BCAS3: variants seen among roughly 807,000 people sequenced by gnomAD.
BCAS3 encodes the protein BCAS4/BCAS3 fusion.
BCAS3 carries 53 observed loss-of-function variants against 116.1 expected under a neutral mutation model. The ratio of observed to expected loss-of-function variants is 0.46; its 90% CI spans 0.37 to 0.57. The LOEUF is 0.57. BCAS3 is among the 20% of genes least tolerant of loss of function. The pLI is 0.00. For synonymous variants in BCAS3, 391 were observed against 408.2 expected, an observed-to-expected ratio of 0.96 and a Z score of 0.51; for missense variants, 917 against 1,165.4, an observed-to-expected ratio of 0.79 and a Z score of 3.10.
rs564845094 is a variant in BCAS3, at chr17:61,362,211, C to T, written c.2426-6116C>T. On this transcript the variant is annotated intron_variant, in intron 22 of 23. Coordinates refer to ENST00000407086, the MANE Select transcript of BCAS3 (RefSeq NM_017679.5). This position sits in a 1 kb window ranked among gnomAD's most constrained non-coding sequence, Gnocchi z 4.4. ...TTTGGTGAGCAGTTTGGTAAGCTTG[C>T]CAAGGAGGCTCCCCTCTACACTGGT... 6.6e-6 allele frequency among the ~76,000 whole-genome samples: 1 copy of T among 152,224 alleles called. No individual in the cohort carries two copies. Among genetic ancestry groups the T allele is most frequent in the South Asian group, 2.1e-4 (1 of 4,834 alleles).
At chr17:60,950,220 G>A (rs2145259567) in intron 14 of BCAS3, among the ~76,000 whole-genome samples, 1 of 152,178 alleles carries the variant, frequency 6.6e-6, no homozygotes, top group East Asian at 1.9e-4. Flanking sequence ...CAGATGTCTG[G>A]AATTTGCTTT....
At chr17:60,788,415 T>A (rs2046470447) in intron 6 of BCAS3, among the ~76,000 whole-genome samples, 1 of 152,182 alleles carries the variant, frequency 6.6e-6, no homozygotes, top group Non-Finnish European at 1.5e-5. Context: ...GAGCTGATTA[T>A]CAAAGTGAAA....
At chr17:60,951,016 G>T (rs2060802524) in intron 14 of BCAS3, among the ~76,000 whole-genome samples, 1 of 152,142 alleles carries the variant, frequency 6.6e-6, no homozygotes, top group Non-Finnish European at 1.5e-5. Flanking sequence ...AATACAGTTA[G>T]AACTGACATC....
chr17:61,257,420 CAAAAAAAAAAAAAA>C (rs35124459), intron 22 of BCAS3, among the ~76,000 whole-genome samples: 1 of 57,214 alleles, frequency 1.7e-5, no homozygotes, highest in East Asian at 6.0e-4. Flanking sequence ...GACTCCATCT[CAAAAAAAAAAAAAA>C]AAAAAAAAAG....
intron 5 of BCAS3, among the ~76,000 whole-genome samples, chr17:60,737,780 T>TA (rs2041123058): frequency 6.6e-6 from 1 of 151,738 alleles, no homozygotes; most frequent in African/African-American, 2.4e-5. Context: ...TATTTTTTAT[T>TA]TTATTATTAT....
chr17:60,864,002 T>C (rs1263020282), intron 7 of BCAS3, among the ~76,000 whole-genome samples: 1 of 152,236 alleles, frequency 6.6e-6, no homozygotes, highest in Non-Finnish European at 1.5e-5. Context: ...AGTGCAGCTT[T>C]ATTCAGTAGC....
intron 15 of BCAS3, among the ~76,000 whole-genome samples, chr17:61,001,519 A>C (rs973356696): frequency 6.6e-6 from 1 of 152,154 alleles, no homozygotes; most frequent in South Asian, 2.1e-4. Flanking sequence ...ATCACTGTTT[A>C]CTTGTGGATT....
At chr17:60,931,936 A>G (rs2059666832) in intron 13 of BCAS3, among the ~76,000 whole-genome samples, 1 of 152,054 alleles carries the variant, frequency 6.6e-6, no homozygotes, top group South Asian at 2.1e-4. Context: ...AGCTGGGTGT[A>G]GTGGTGCACT....
chr17:61,173,948 A>G (rs2078999697), intron 22 of BCAS3, among the ~76,000 whole-genome samples: 1 of 152,192 alleles, frequency 6.6e-6, no homozygotes, highest in Admixed American at 6.5e-5. Flanking sequence ...ACAGAAAAAC[A>G]AACCTTAGTT....
At position 61,084,541 on chromosome 17, in the gene BCAS3, C is replaced by A; in HGVS notation, c.2402C>A (p.Ser801Tyr). The part of the protein sequence containing the change: ...SRPVSDRRGV[S>Y]TVIDAASGTF... ...CCAGTCTCTGATCGAAGGGGAGTTTCCACAGTGATTGATGCTGCCTCAGGT... is the reference window on the plus strand; with the variant it reads ...CCAGTCTCTGATCGAAGGGGAGTTTACACAGTGATTGATGCTGCCTCAGGT... Residue 801 changes from serine (S) to tyrosine (Y), a missense_variant, in exon 22 of 24, where the codon TCC becomes TAC. This residue lies in a region of BCAS3 where 807 missense variants were observed against 1,026.0 expected (regional missense o/e 0.79). Transcript: ENST00000407086. This position sits in a 1 kb window ranked among gnomAD's most constrained non-coding sequence, Gnocchi z 5.5. 1 of 1,613,982 alleles carries A rather than the reference C, an allele frequency of 6.2e-7. No homozygotes were observed. The highest frequency in any genetic ancestry group is 8.5e-7 in the Non-Finnish European group (1 of 1,179,914).
chr17:60,821,518 C>G (rs2049966533), intron 7 of BCAS3, among the ~76,000 whole-genome samples: 2 of 152,144 alleles, frequency 1.3e-5, no homozygotes, highest in African/African-American at 4.8e-5. Flanking sequence ...TTTGGCCCCT[C>G]CCAGCTCTTT....
At chr17:60,998,899 C>A (rs1400472582) in intron 15 of BCAS3, among the ~76,000 whole-genome samples, 1 of 152,094 alleles carries the variant, frequency 6.6e-6, no homozygotes, top group East Asian at 1.9e-4. Flanking sequence ...AAGCCAGTGT[C>A]CAGAAGAGTT....
At position 61,078,478 on chromosome 17, in the gene BCAS3, C is replaced by T; in HGVS notation, c.2276C>T (p.Pro759Leu). The T allele has an allele frequency of 6.2e-7, 1 of 1,614,178 alleles. No individual in the cohort carries two copies. The highest frequency in any genetic ancestry group is 8.5e-7 in the Non-Finnish European group (1 of 1,180,030). ...VLQSHGPSDT[P>L]QPLLDFDTDD... is the part of the protein sequence containing the mutation. Reference sequence around the variant, plus strand: ...CAGTCTCATGGTCCGAGTGACACGCCACAGCCTCTTTTGGATTTTGATACA... The same window carrying T: ...CAGTCTCATGGTCCGAGTGACACGCTACAGCCTCTTTTGGATTTTGATACA... The change falls in exon 21 of 24, where the codon CCA becomes CTA. Residue 759 changes from proline to leucine, a missense_variant. Pro to Leu is a moderately conservative substitution (Grantham distance 98). This residue lies in a region of BCAS3 where 807 missense variants were observed against 1,026.0 expected (regional missense o/e 0.79). Transcript: ENST00000407086.
rs879689269 is a variant in BCAS3 at position 61,279,777 on chromosome 17, G to GAA, written c.2426-88537_2426-88536dup. On this transcript the variant is annotated intron_variant, in intron 22 of 23. Transcript: ENST00000407086. The surrounding 1 kb of genome is among the most constrained non-coding windows in gnomAD (Gnocchi z 4.4). ...GCACTGGTCCCTCTGCTTGAGTGAA[G>GAA]AAAAAAAAAAAAAACTAGGCAGGTA... 1.2e-4 allele frequency among the ~76,000 whole-genome samples: 16 copies of GAA among 136,640 alleles called. No individual in the cohort carries two copies. Among genetic ancestry groups the GAA allele is most frequent in the African/African-American group, 2.4e-4 (9 of 37,250 alleles). The allele number at this position is 136,640 out of a possible 152,430, so 89.6% of individuals were successfully genotyped here. A position where few individuals can be genotyped will look rare whatever the true frequency, so the allele number is the denominator to read the frequency against.
At position 61,222,376 on chromosome 17, in the gene BCAS3, G is replaced by A. The variant is rs2082157169; in HGVS notation, c.2425+137812G>A. 6.6e-6 allele frequency among the ~76,000 whole-genome samples: 1 copy of A among 152,150 alleles called. No individual in the cohort carries two copies. The highest frequency in any genetic ancestry group is 2.1e-4 in the South Asian group (1 of 4,824). On this transcript the variant is annotated intron_variant, in intron 22 of 23. Coordinates refer to ENST00000407086, the MANE Select transcript of BCAS3 (RefSeq NM_017679.5). This position sits in a 1 kb window ranked among gnomAD's most constrained non-coding sequence, Gnocchi z 6.1. ...GTCTTGGTGTGGTCCTTCCTTTCTG[G>A]AGGCCTCAGTTTTCTCTGGAAACTG...
intron 6 of BCAS3, chr17:60,748,795 A>T (rs1284909210): frequency 6.6e-6 from 1 of 152,206 alleles, no homozygotes; most frequent in African/African-American, 2.4e-5. Context: ...TTAAAAAAAG[A>T]TTCCTTCCTT....
chr17:60,756,913 G>A (rs10853020), intron 6 of BCAS3, among the ~76,000 whole-genome samples: 1 of 151,936 alleles, frequency 6.6e-6, no homozygotes, highest in African/African-American at 2.4e-5. Context: ...TTGGCCAGGC[G>A]CGGTGGCTCA....
rs1327458899 is a variant in BCAS3, at chr17:61,145,118, C to T, written c.2425+60554C>T. On this transcript the variant is annotated intron_variant, in intron 22 of 23. Coordinates refer to ENST00000407086, the MANE Select transcript of BCAS3 (RefSeq NM_017679.5). This position sits in a 1 kb window ranked among gnomAD's most constrained non-coding sequence, Gnocchi z 5.0. Reference sequence around the variant, plus strand: ...ATGCAACTTTGGCTCGCCTCACCGGCAGTAATTTAATTTTTCCTTCATTCT... The same window carrying T: ...ATGCAACTTTGGCTCGCCTCACCGGTAGTAATTTAATTTTTCCTTCATTCT... Among the ~76,000 whole-genome samples, 1 of 152,204 alleles carries T rather than the reference C, an allele frequency of 6.6e-6. No homozygotes were observed. The highest frequency in any genetic ancestry group is 1.5e-5 in the Non-Finnish European group (1 of 68,036).
At chr17:60,702,036 A>T (rs1434244271) in intron 4 of BCAS3, among the ~76,000 whole-genome samples, 1 of 152,124 alleles carries the variant, frequency 6.6e-6, no homozygotes, top group Non-Finnish European at 1.5e-5. Flanking sequence ...GTATGTATAG[A>T]TACACACACA....
Sources: allele counts gnomAD v4.1 joint callset (sites outside exome capture counted in the v4.1 genomes callset), GRCh38; gene constraint gnomAD v4.1.1; regional missense constraint gnomAD v4.1.1; non-coding constraint Gnocchi (gnomAD v3.1); transcripts MANE v1.5; gene names NCBI Gene and HGNC (gene_info 2026-07-23, HGNC 2026-07-21).